CSTL1: variants seen among roughly 807,000 people sequenced by gnomAD.
CSTL1 encodes cystatin-like 1.
A neutral mutation model predicts 14.4 loss-of-function variants in CSTL1; 14 were observed. The ratio of observed to expected loss-of-function variants is 0.97; its 90% CI spans 0.64 to 1.52. CSTL1 has a LOEUF of 1.52. Ranked by LOEUF, CSTL1 falls within the 40% of genes most tolerant of loss-of-function variation. The probability of loss-of-function intolerance (pLI) is 0.00; values close to 1 mark genes in which losing one functional copy is unlikely to be tolerated. For synonymous variants in CSTL1, 72 were observed against 67.5 expected (o/e 1.07, Z -0.33); for missense variants, 170 against 168.7 (o/e 1.01, Z -0.04).
the CSTL1 span, chr20:23,452,067 T>C: frequency 5.1e-6 from 3 of 586,370 alleles, no homozygotes; most frequent in Non-Finnish European, 9.2e-6. Flanking sequence ...TCTATTTGAC[T>C]CATGATTGTT....
In CSTL1 at chr20:23,440,443, C is replaced by T. The variant is rs1402064440; in HGVS notation, c.176C>T (p.Thr59Ile). Reference protein sequence around the residue: ...IQSYNNASNDTYLYRVQRLIR... With the variant: ...IQSYNNASNDIYLYRVQRLIR... ...TCCTACAACAATGCCAGCAACGACA[C>T]CTACTTATATCGAGTCCAGAGGCTA... Residue 59 changes from threonine to isoleucine, a missense_variant, in exon 2 of 4, where the codon ACC becomes ATC. Transcript: ENST00000347397. The T allele has an allele frequency of 2.5e-6, 4 of 1,614,130 alleles. No individual in the cohort carries two copies. Among genetic ancestry groups the T allele is most frequent in the Non-Finnish European group, 3.4e-6 (4 of 1,179,962 alleles).
downstream of CSTL1, among the ~76,000 whole-genome samples, chr20:23,449,408 G>T (rs983872089): frequency 4.6e-5 from 7 of 152,212 alleles, no homozygotes; most frequent in Admixed American, 4.6e-4. Context: ...GTGTGTGTGT[G>T]TATGTGTGTG....
At chr20:23,460,081 C>T in the CSTL1 span, among the ~76,000 whole-genome samples, 1 of 152,212 alleles carries the variant, frequency 6.6e-6, no homozygotes, top group African/African-American at 2.4e-5. Context: ...AATGCCTTTT[C>T]CACAAACCCT....
At chr20:23,449,731 C>T (rs1283352049), downstream of CSTL1, among the ~76,000 whole-genome samples, 1 of 152,186 alleles carries the variant, frequency 6.6e-6, no homozygotes, top group African/African-American at 2.4e-5. Context: ...TGGCTTCTCC[C>T]TGTCCTCAGG....
the CSTL1 span, among the ~76,000 whole-genome samples, chr20:23,453,670 T>G: frequency 1.7e-4 from 26 of 152,266 alleles, no homozygotes; most frequent in African/African-American, 6.3e-4. Context: ...TTATGGTGTC[T>G]TTTGGGAAGA....
chr20:23,455,037 A>T, the CSTL1 span, among the ~76,000 whole-genome samples: 2 of 152,126 alleles, frequency 1.3e-5, no homozygotes, highest in African/African-American at 2.4e-5. Context: ...GCCATTGGGA[A>T]TGAGGACATG....
chr20:23,448,321 C>T (rs1274576329), downstream of CSTL1, among the ~76,000 whole-genome samples: 1 of 152,172 alleles, frequency 6.6e-6, no homozygotes, highest in African/African-American at 2.4e-5. Flanking sequence ...GAATGGTGGG[C>T]CTGAGCCAGC....
At chr20:23,457,298 C>A in the CSTL1 span, among the ~76,000 whole-genome samples, 1 of 152,150 alleles carries the variant, frequency 6.6e-6, no homozygotes, top group African/African-American at 2.4e-5. Flanking sequence ...AGATCACCTC[C>A]CTCAGAACTT....
At chr20:23,451,902 A>G in the CSTL1 span, 1 of 1,613,576 alleles carries the variant, frequency 6.2e-7, no homozygotes, top group Non-Finnish European at 8.5e-7. Context: ...TTCAGGTGAT[A>G]CTCCAGGTGG....
chr20:23,452,393 G>C, the CSTL1 span, among the ~76,000 whole-genome samples: 3 of 152,190 alleles, frequency 2.0e-5, no homozygotes, highest in African/African-American at 7.2e-5. Flanking sequence ...GTAATGTGCT[G>C]AGGATCCCTG....
At chr20:23,460,859 T>C in the CSTL1 span, among the ~76,000 whole-genome samples, 1 of 152,212 alleles carries the variant, frequency 6.6e-6, no homozygotes, top group Non-Finnish European at 1.5e-5. Flanking sequence ...CATGCAAACC[T>C]GCCTCCACCT....
At chr20:23,450,451 G>T in the CSTL1 span, 1 of 1,092,054 alleles carries the variant, frequency 9.2e-7, no homozygotes, top group Non-Finnish European at 1.4e-6. Context: ...AAGGATTATT[G>T]CCCATTGCAG....
chr20:23,444,011 T>G lies in CSTL1; in HGVS notation c.297T>G (p.Ser99=). The G allele has an allele frequency of 6.2e-7, 1 of 1,614,160 alleles. No homozygotes were observed. The highest frequency in any genetic ancestry group is 8.5e-7 in the Non-Finnish European group (1 of 1,179,956). ...TKCKRNDTSN[S]SCPLQSKKLR... is the part of the protein sequence containing the mutation. ...GCAAGAGGAATGACACGAGCAATTC[T>G]TCCTGCCCCCTGCAAAGCAAGAAGC... The change falls in exon 3 of 4, where the codon TCT becomes TCG. Residue 99 remains serine (S), a synonymous_variant. Transcript: ENST00000347397.
chr20:23,454,955 T>C, the CSTL1 span, among the ~76,000 whole-genome samples: 19 of 152,322 alleles, frequency 1.2e-4, no homozygotes, highest in Admixed American at 3.3e-4. Flanking sequence ...AGTGAAATTG[T>C]TGTTTGAGAC....
At chr20:23,452,824 G>GAGGAA in the CSTL1 span, 1 of 1,599,090 alleles carries the variant, frequency 6.3e-7, no homozygotes, top group Middle Eastern at 1.7e-4. Context: ...TTCAGCTGCA[G>GAGGAA]AGGAACAGGA....
downstream of CSTL1, among the ~76,000 whole-genome samples, chr20:23,449,912 G>A (rs1186602096): frequency 2.0e-5 from 3 of 152,166 alleles, no homozygotes; most frequent in African/African-American, 7.2e-5. Context: ...CGTGCAAGGG[G>A]GCAGAAGTCT....
rs920416125 is a variant in CSTL1 at position 23,440,208 on chromosome 20, G to C, written c.-60G>C. On this transcript the variant is annotated 5_prime_UTR_variant, in exon 2 of 4. Transcript: ENST00000347397. ...ATGATGGGAGAATGAGTGAACTGCA[G>C]CCTGGCACCACCACACCCTGGAAGG... is the stretch of plus-strand genomic sequence containing the variant. 1.3e-6 allele frequency: 2 copies of C among 1,566,774 alleles called. No homozygotes were observed. Among genetic ancestry groups the C allele is most frequent in the African/African-American group, 2.7e-5 (2 of 73,930 alleles).
chr20:23,455,092 G>A, the CSTL1 span, among the ~76,000 whole-genome samples: 1 of 152,198 alleles, frequency 6.6e-6, no homozygotes, highest in Non-Finnish European at 1.5e-5. Flanking sequence ...AAGTAATCTG[G>A]AGAACAGAAG....
chr20:23,440,185 G>A lies in CSTL1; in HGVS notation c.-83G>A, dbSNP rs1445788028. Reference sequence around the variant, plus strand: ...GAAAGCCTATGTTGGTGAGGGTTATGATGGGAGAATGAGTGAACTGCAGCC... The same window carrying A: ...GAAAGCCTATGTTGGTGAGGGTTATAATGGGAGAATGAGTGAACTGCAGCC... On this transcript the variant is annotated 5_prime_UTR_variant, in exon 2 of 4. It removes an upstream start codon present in the reference 5' UTR. Transcript: ENST00000347397. 7.0e-7 allele frequency: 1 copy of A among 1,429,000 alleles called. No individual in the cohort carries two copies. The highest frequency in any genetic ancestry group is 1.4e-5 in the African/African-American group (1 of 71,328). 88.5% of individuals were successfully genotyped at this position (1,429,000 alleles called of 1,614,324 possible).
Sources: gnomAD v4.1 joint callset for allele counts (sites outside exome capture counted in the v4.1 genomes callset) on GRCh38, gnomAD v4.1.1 for gene constraint, MANE v1.5 for transcripts, NCBI Gene and HGNC (gene_info 2026-07-23, HGNC 2026-07-21) for gene names.